Variants in ETV1 observed in about 807,000 individuals in gnomAD.
ETV1 encodes the protein ETS translocation variant 1.
ETV1 carries 27 observed loss-of-function variants against 62.3 expected under a neutral mutation model. The ratio of observed to expected loss-of-function variants is 0.43; its 90% CI spans 0.32 to 0.60. The LOEUF is 0.60. Among genes scored for constraint, ETV1 ranks in the 20% least tolerant of loss-of-function variants. The probability of loss-of-function intolerance (pLI) is 0.06; values close to 1 mark genes in which losing one functional copy is unlikely to be tolerated. For missense variants in ETV1, 605 were observed against 605.8 expected, an observed-to-expected ratio of 1.00 and a Z score of 0.01; for synonymous variants, 222 against 199.6, an observed-to-expected ratio of 1.11 and a Z score of -0.94.
chr7:13,965,033 T>C (rs1790621506), intron 6 of ETV1, among the ~76,000 whole-genome samples: 2 of 152,118 alleles, frequency 1.3e-5, no homozygotes, highest in African/African-American at 2.4e-5. Context: ...CTACTACTAC[T>C]ACTAATACCT....
chr7:13,907,323 C>A (rs921173352), intron 11 of ETV1, among the ~76,000 whole-genome samples: 2 of 152,092 alleles, frequency 1.3e-5, no homozygotes, highest in Non-Finnish European at 2.9e-5. Flanking sequence ...GCTTGTACTT[C>A]ACTCACTTGA....
chr7:13,979,393 G>A (rs930706181), intron 5 of ETV1, among the ~76,000 whole-genome samples: 19 of 152,020 alleles, frequency 1.2e-4, no homozygotes, highest in African/African-American at 4.3e-4. Context: ...GAGAGGCAAC[G>A]AAACAGCTAA....
In ETV1 at chr7:13,988,996, C is replaced by T. The variant is rs766604791; in HGVS notation, c.45+12G>A. 1 of 1,550,098 alleles carries T rather than the reference C, an allele frequency of 6.5e-7. No individual in the cohort carries two copies. On this transcript the variant is annotated intron_variant, in intron 3 of 13. Transcript: ENST00000430479. ...AAGTTTATAAACAGCAACTTTCAAA[C>T]TGATCACTCACATTGGTGACCATGT...
intron 9 of ETV1, among the ~76,000 whole-genome samples, chr7:13,930,405 T>G (rs899059145): frequency 6.6e-6 from 1 of 151,988 alleles, no homozygotes; most frequent in Non-Finnish European, 1.5e-5. Flanking sequence ...CACTGCAACC[T>G]CCACCTCCTG....
At chr7:13,930,656 C>A (rs1020597118) in intron 9 of ETV1, among the ~76,000 whole-genome samples, 1 of 152,014 alleles carries the variant, frequency 6.6e-6, no homozygotes, top group Non-Finnish European at 1.5e-5. Flanking sequence ...GGAAACCCCA[C>A]TCCCCCACTT....
intron 6 of ETV1, among the ~76,000 whole-genome samples, chr7:13,957,287 C>T (rs554220148): frequency 3.3e-5 from 5 of 152,072 alleles, no homozygotes; most frequent in Non-Finnish European, 7.4e-5. Flanking sequence ...GGGGTTTCAC[C>T]GTGTTAGCCA....
At chr7:13,951,131 C>T (rs1219468919) in intron 6 of ETV1, among the ~76,000 whole-genome samples, 1 of 151,944 alleles carries the variant, frequency 6.6e-6, no homozygotes, top group African/African-American at 2.4e-5. Context: ...CTGCCTACCC[C>T]CTATTTAACA....
intron 13 of ETV1, among the ~76,000 whole-genome samples, chr7:13,899,535 AGTTTTTCTGGG>A (rs1782197323): frequency 3.3e-5 from 5 of 152,196 alleles, no homozygotes; most frequent in African/African-American, 4.8e-5. Context: ...CAACTGGTCT[AGTTTTTCTGGG>A]TAAAACTATG....
chr7:13,959,702 C>T (rs914107014), intron 6 of ETV1, among the ~76,000 whole-genome samples: 1 of 151,576 alleles, frequency 6.6e-6, no homozygotes, highest in Admixed American at 6.6e-5. Context: ...TGGCCTGCAT[C>T]GTGAAACCCT....
intron 6 of ETV1, among the ~76,000 whole-genome samples, chr7:13,939,504 T>C (rs1787228100): frequency 6.6e-6 from 1 of 152,198 alleles, no homozygotes; most frequent in Non-Finnish European, 1.5e-5. Context: ...GTAATTTGCT[T>C]AACTGATATT....
intron 6 of ETV1, among the ~76,000 whole-genome samples, chr7:13,969,995 G>T (rs970387084): frequency 6.6e-6 from 1 of 151,974 alleles, no homozygotes; most frequent in Admixed American, 6.6e-5. Flanking sequence ...AGTGGCTCAC[G>T]CCTGTAATCC....
In ETV1 at chr7:13,935,848, G is replaced by C. The variant is rs772531873; in HGVS notation, c.414C>G (p.Pro138=). Residue 138 remains proline (P), a synonymous_variant, in exon 8 of 14, where the codon CCC becomes CCG. Coordinates refer to ENST00000430479, the MANE Select transcript of ETV1 (RefSeq NM_004956.5). ...PQVGMRPSNP[P]TPSSTPVSPL... is the part of the protein sequence containing the mutation. ...GGGACACTGGCGTGCTGGATGGTGT[G>C]GGGGGGTTGGAGGGCCTCATTCCCA... The C allele has an allele frequency of 5.0e-5, 81 of 1,613,014 alleles. 2 individuals are homozygous for C. The Middle Eastern group carries it at 6.6e-4, about 13-fold the overall frequency.
At chr7:13,897,799 T>C (rs1026252195) in intron 13 of ETV1, among the ~76,000 whole-genome samples, 1 of 152,210 alleles carries the variant, frequency 6.6e-6, no homozygotes, top group Non-Finnish European at 1.5e-5. Flanking sequence ...TTTATTTTTT[T>C]CTTTGTTCAA....
At chr7:13,989,210 A>G in intron 2 of ETV1, 58 bp downstream of exon 2, 1 of 630,962 alleles carries the variant, frequency 1.6e-6, no homozygotes, top group African/African-American at 1.9e-5. Context: ...TTGCATAGCT[A>G]ATTACCCTCC....
At position 13,931,682 on chromosome 7, in the gene ETV1, G is replaced by T; in HGVS notation, c.622C>A (p.Arg208Ser). The change falls in exon 9 of 14, where the codon CGT becomes AGT. Residue 208 changes from arginine to serine, a missense_variant. Arg to Ser is a moderately radical substitution (Grantham distance 110). Coordinates refer to ENST00000430479, the MANE Select transcript of ETV1 (RefSeq NM_004956.5). ...GACATCTGGCGTTGGTACATAGGACGTCCTTCCCTTGGCATCGTCGGCAAA... is the reference window on the plus strand; with the variant it reads ...GACATCTGGCGTTGGTACATAGGACTTCCTTCCCTTGGCATCGTCGGCAAA... The part of the protein sequence containing the change: ...PPLPTMPREG[R>S]PMYQRQMSEP... 1 of 1,613,906 alleles carries T rather than the reference G, an allele frequency of 6.2e-7. No individual in the cohort carries two copies. The highest frequency in any genetic ancestry group is 1.1e-5 in the South Asian group (1 of 91,060).
At position 13,909,671 on chromosome 7, in the gene ETV1, A is replaced by T; in HGVS notation, c.901T>A (p.Phe301Ile). ...GGGACAACACAGGTGTCATCATAAA[A>T]CTGCCTGGGGCCCTTTTCAAACATA... ...GCMFEKGPRQ[F>I]YDDTCVVPEK... The change falls in exon 11 of 14, where the codon TTT becomes ATT. Residue 301 changes from phenylalanine (F) to isoleucine (I), a missense_variant. Physicochemically the swap from Phe to Ile is conservative, Grantham distance 21 (BLOSUM62 0). This residue lies in a region of ETV1 where 426 missense variants were observed against 377.8 expected (regional missense o/e 1.13). Transcript: ENST00000430479. 1 of 1,613,578 alleles carries T rather than the reference A, an allele frequency of 6.2e-7. No individual in the cohort carries two copies. Among genetic ancestry groups the T allele is most frequent in the Non-Finnish European group, 8.5e-7 (1 of 1,179,584 alleles).
At chr7:13,927,272 AC>A (rs1785537480) in intron 9 of ETV1, among the ~76,000 whole-genome samples, 2 of 152,078 alleles carry the variant, frequency 1.3e-5, no homozygotes, top group Middle Eastern at 6.8e-3. Context: ...AACATGATGA[AC>A]CCCTGTCTCT....
At chr7:13,936,831 G>A (rs1004982515) in intron 7 of ETV1, among the ~76,000 whole-genome samples, 6 of 151,946 alleles carry the variant, frequency 3.9e-5, no homozygotes, top group Admixed American at 1.3e-4. Flanking sequence ...GCTTAAGCAC[G>A]GGAGTTTAAG....
chr7:13,978,443 C>CT (rs1781666100), intron 5 of ETV1, among the ~76,000 whole-genome samples: 1 of 151,812 alleles, frequency 6.6e-6, no homozygotes, highest in Non-Finnish European at 1.5e-5. Context: ...AGTTAGGTTA[C>CT]TTTTAATTTG....
Sources: gnomAD v4.1 joint callset for allele counts (sites outside exome capture counted in the v4.1 genomes callset) on GRCh38, gnomAD v4.1.1 for gene constraint, gnomAD v4.1.1 regional missense constraint, MANE v1.5 for transcripts, NCBI Gene and HGNC (gene_info 2026-07-23, HGNC 2026-07-21) for gene names.